The following ASCC3 variants were observed in gnomAD, a reference collection of about 807,000 sequenced individuals.
ASCC3 encodes activating signal cointegrator 1 complex subunit 3.
In ASCC3, 158 loss-of-function variants were observed where a neutral mutation model predicts 256.3. The ratio of observed to expected loss-of-function variants is 0.62; its 90% CI spans 0.54 to 0.70. ASCC3 has a LOEUF of 0.70. Ranked by LOEUF, ASCC3 falls within the 30% of genes least tolerant of loss-of-function variation. The pLI, the probability that ASCC3 is intolerant of heterozygous loss-of-function variation, is 0.00. For synonymous variants in ASCC3, 948 were observed against 883.4 expected (o/e 1.07, Z -1.30); for missense variants, 2,259 against 2,626.0 (o/e 0.86, Z 3.05).
At chr6:100,562,798 T>C (rs1470736723) in intron 36 of ASCC3, among the ~76,000 whole-genome samples, 1 of 152,102 alleles carries the variant, frequency 6.6e-6, no homozygotes, top group Non-Finnish European at 1.5e-5. Flanking sequence ...TTCAAATCTT[T>C]TAGAGATGTA....
chr6:100,528,289 T>A (rs1414099503), intron 37 of ASCC3, among the ~76,000 whole-genome samples: 1 of 152,172 alleles, frequency 6.6e-6, no homozygotes, highest in Non-Finnish European at 1.5e-5. Context: ...GTTACAGAGA[T>A]TAAGAGGTCA....
chr6:100,588,447 G>GGCTAGGA (rs1358007194), intron 36 of ASCC3, among the ~76,000 whole-genome samples: 1 of 151,894 alleles, frequency 6.6e-6, no homozygotes, highest in Non-Finnish European at 1.5e-5. Context: ...ATGAATCTTT[G>GGCTAGGA]GCTAGGAGCT....
Position 100,679,701 on chromosome 6 carries a change from G to C in ASCC3, c.2203C>G (p.Leu735Val). 1 of 1,613,512 alleles carries C rather than the reference G, an allele frequency of 6.2e-7. No individual in the cohort carries two copies. Among genetic ancestry groups the C allele is most frequent in the Non-Finnish European group, 8.5e-7 (1 of 1,179,714 alleles). ...CCACAATTTTTTGCTCTTTCTATTA[G>C]AGACATAGCTGTTCTTACAGTGGCA... ...RNATVRTAMS[L>V]IERAKNCGHI... The change falls in exon 14 of 42, where the codon CTA becomes GTA. Residue 735 changes from leucine to valine, a missense_variant. Physicochemically the swap from Leu to Val is conservative, Grantham distance 32. Around this residue, in one of 2 missense-constraint regions of ASCC3, gnomAD observed 1,839 missense variants for 2,206.7 expected, o/e 0.83. Transcript: ENST00000369162.
intron 37 of ASCC3, among the ~76,000 whole-genome samples, chr6:100,538,500 A>T (rs1464942773): frequency 6.6e-6 from 1 of 152,164 alleles, no homozygotes; most frequent in Admixed American, 6.5e-5. Flanking sequence ...GGTAACAAAA[A>T]TGTTTGAGGC....
chr6:100,705,300 G>A (rs1443920211), intron 13 of ASCC3, among the ~76,000 whole-genome samples: 4 of 151,992 alleles, frequency 2.6e-5, no homozygotes, highest in East Asian at 3.9e-4. Flanking sequence ...ACACGAGCAC[G>A]CAAGTTTAGA....
chr6:100,684,855 G>T (rs1215085276), intron 13 of ASCC3, among the ~76,000 whole-genome samples: 1 of 141,680 alleles, frequency 7.1e-6, no homozygotes, highest in Non-Finnish European at 1.5e-5. Context: ...CACCCAGGCT[G>T]GAATGCAGTG....
chr6:100,733,535 C>T (rs1780007773), intron 10 of ASCC3, among the ~76,000 whole-genome samples: 1 of 152,130 alleles, frequency 6.6e-6, no homozygotes, highest in Admixed American at 6.6e-5. Flanking sequence ...GCCTGAGGCC[C>T]TCATCAGACG....
intron 11 of ASCC3, among the ~76,000 whole-genome samples, chr6:100,723,409 A>AT (rs1216858286): frequency 6.6e-6 from 1 of 151,664 alleles, no homozygotes; most frequent in South Asian, 2.1e-4. Flanking sequence ...CAACAAGATT[A>AT]TTTTTTTAAA....
intron 36 of ASCC3, among the ~76,000 whole-genome samples, chr6:100,548,503 A>G (rs1009259167): frequency 6.6e-6 from 1 of 151,980 alleles, no homozygotes; most frequent in African/African-American, 2.4e-5. Flanking sequence ...AATTTAATAA[A>G]TATTTTTGAG....
chr6:100,524,047 C>T (rs1774437738), intron 37 of ASCC3, among the ~76,000 whole-genome samples: 1 of 152,086 alleles, frequency 6.6e-6, no homozygotes, highest in Admixed American at 6.6e-5. Flanking sequence ...AATATTACCC[C>T]CCTTCACAGA....
intron 10 of ASCC3, among the ~76,000 whole-genome samples, chr6:100,751,691 A>G (rs1467885637): frequency 6.6e-6 from 1 of 152,134 alleles, no homozygotes; most frequent in East Asian, 1.9e-4. Flanking sequence ...ACATTTGTCC[A>G]TTTACTGCTA....
chr6:100,807,988 C>G, intron 4 of ASCC3, among the ~76,000 whole-genome samples: 1 of 151,760 alleles, frequency 6.6e-6, no homozygotes, highest in South Asian at 2.1e-4. Context: ...CAAACATTTT[C>G]TCAAAAATGA....
chr6:100,804,433 T>C (rs1211649418), intron 5 of ASCC3, among the ~76,000 whole-genome samples: 1 of 152,080 alleles, frequency 6.6e-6, no homozygotes, highest in African/African-American at 2.4e-5. Flanking sequence ...GAAAATTTGC[T>C]ATGCAGAAGC....
At chr6:100,693,799 T>A (rs1282536339) in intron 13 of ASCC3, among the ~76,000 whole-genome samples, 2 of 152,182 alleles carry the variant, frequency 1.3e-5, no homozygotes, top group Non-Finnish European at 2.9e-5. Flanking sequence ...GGAAGCAGTT[T>A]AAAAATTTTT....
intron 25 of ASCC3, among the ~76,000 whole-genome samples, chr6:100,634,482 C>T (rs753559255): frequency 7.9e-5 from 12 of 152,022 alleles, no homozygotes; most frequent in South Asian, 2.1e-4. Flanking sequence ...TGAGGATAAG[C>T]GGGGACTAAA....
chr6:100,745,224 G>A (rs897584792), intron 10 of ASCC3, among the ~76,000 whole-genome samples: 1 of 152,108 alleles, frequency 6.6e-6, no homozygotes, highest in Non-Finnish European at 1.5e-5. Flanking sequence ...CTACTCAGGA[G>A]GTTGAGGCAA....
intron 13 of ASCC3, among the ~76,000 whole-genome samples, chr6:100,690,548 T>C (rs1777794920): frequency 6.6e-6 from 1 of 152,172 alleles, no homozygotes; most frequent in Non-Finnish European, 1.5e-5. Flanking sequence ...TCAATTCGCA[T>C]TTAACAACCA....
intron 4 of ASCC3, among the ~76,000 whole-genome samples, chr6:100,827,452 G>A (rs1048157186): frequency 6.6e-6 from 1 of 152,052 alleles, no homozygotes; most frequent in Admixed American, 6.6e-5. Context: ...TTTTAGATTG[G>A]CTTCTTATAC....
chr6:100,556,645 A>G (rs957957446), intron 36 of ASCC3, among the ~76,000 whole-genome samples: 12 of 152,162 alleles, frequency 7.9e-5, no homozygotes, highest in African/African-American at 2.7e-4. Flanking sequence ...TTTATTATGT[A>G]TATAATTGTA....
Sources: gnomAD v4.1 joint callset for allele counts (sites outside exome capture counted in the v4.1 genomes callset) on GRCh38, gnomAD v4.1.1 for gene constraint, gnomAD v4.1.1 regional missense constraint, MANE v1.5 for transcripts, NCBI Gene and HGNC (gene_info 2026-07-23, HGNC 2026-07-21) for gene names.